The following MTMR3 variants were observed in gnomAD, a reference collection of about 807,000 sequenced individuals.
MTMR3 encodes phosphatidylinositol-3,5-bisphosphate 3-phosphatase MTMR3.
A neutral mutation model predicts 132.4 loss-of-function variants in MTMR3; 32 were observed. That is an observed-to-expected ratio of 0.24 (90% CI 0.18 to 0.32). The LOEUF is 0.32. MTMR3 is among the 10% of genes least tolerant of loss of function. The pLI is 1.00. For synonymous variants in MTMR3, 556 were observed against 550.3 expected (o/e 1.01, Z -0.14); for missense variants, 1,216 against 1,489.6 (o/e 0.82, Z 3.02).
intron 1 of MTMR3, among the ~76,000 whole-genome samples, chr22:29,955,748 C>A (rs1012970704): frequency 2.0e-5 from 3 of 151,696 alleles, no homozygotes; most frequent in Non-Finnish European, 4.4e-5. Context: ...ATTTTACTGA[C>A]TTTTTTTTTC....
At chr22:29,971,476 T>TTTAGACAAATATATGTAATTTTA (rs2066534711) in intron 3 of MTMR3, among the ~76,000 whole-genome samples, 18 of 152,202 alleles carry the variant, frequency 1.2e-4, no homozygotes, top group Non-Finnish European at 2.9e-5. Context: ...TTTTTTAAAT[T>TTTAGACAAATATATGTAATTTTA]GACAAATTAC....
At chr22:29,939,042 G>A (rs1178920817) in intron 1 of MTMR3, among the ~76,000 whole-genome samples, 1 of 151,852 alleles carries the variant, frequency 6.6e-6, no homozygotes, top group Non-Finnish European at 1.5e-5. Flanking sequence ...GGCTGGTCTC[G>A]AACTCCTGAC....
At chr22:29,955,908 C>A (rs1414484890) in intron 1 of MTMR3, among the ~76,000 whole-genome samples, 1 of 152,150 alleles carries the variant, frequency 6.6e-6, no homozygotes, top group Non-Finnish European at 1.5e-5. Context: ...TGCCCCACCA[C>A]ACCCAGCTAA....
intron 8 of MTMR3, chr22:29,999,111 G>A: frequency 4.3e-6 from 1 of 233,314 alleles, no homozygotes. Flanking sequence ...GTTTTTTCTG[G>A]TACATGCATG....
intron 10 of MTMR3, 87 bp from the exon 11 acceptor site, chr22:30,007,814 G>A: frequency 6.8e-7 from 1 of 1,474,680 alleles, no homozygotes; most frequent in South Asian, 1.3e-5. Flanking sequence ...CCTTTTTTGT[G>A]CCATAAGATG....
At chr22:29,894,090 C>T (rs2064848574) in intron 1 of MTMR3, among the ~76,000 whole-genome samples, 3 of 152,276 alleles carry the variant, frequency 2.0e-5, no homozygotes, top group African/African-American at 7.2e-5. Context: ...GGTGACCCGC[C>T]CATCTTGACC....
chr22:30,022,266 GGC>G (rs1161098245), intron 18 of MTMR3, 127 bp downstream of exon 18: 1 of 723,246 alleles, frequency 1.4e-6, no homozygotes, highest in African/African-American at 1.8e-5. Context: ...CTGAGCCTCT[GGC>G]ACCTTAGCTC....
Position 29,968,201 on chromosome 22 carries a change from C to T in MTMR3, c.-84-2775C>T, listed in dbSNP as rs370646274. On this transcript the variant is annotated intron_variant, in intron 2 of 19. Coordinates refer to ENST00000401950, the MANE Select transcript of MTMR3 (RefSeq NM_021090.4). ...AGGTTGTACCACTTTACATTCCTGC[C>T]GGCAGTGTATGGGGGTTTCACCTTC... 1.1e-3 allele frequency among the ~76,000 whole-genome samples: 160 copies of T among 152,198 alleles called. 2 individuals are homozygous for T. The South Asian group carries it at 0.03, about 29-fold the overall frequency.
intron 1 of MTMR3, among the ~76,000 whole-genome samples, chr22:29,940,137 G>A (rs2065828650): frequency 1.3e-5 from 2 of 152,098 alleles, no homozygotes; most frequent in Admixed American, 1.3e-4. Flanking sequence ...GCGTGGTGGC[G>A]GGCGACTGTA....
In MTMR3 at chr22:30,022,653, G is replaced by A. The variant is rs769960632; in HGVS notation, c.3381G>A (p.Ala1127=). The change falls in exon 19 of 20, where the codon GCG becomes GCA. Residue 1127 remains alanine (A), a synonymous_variant. Transcript: ENST00000401950. ...ACCACCTGGCCGCCCACTGCTATGCGTGCGACAGTGCCTTCTGGCTTGCCA... is the reference window on the plus strand; with the variant it reads ...ACCACCTGGCCGCCCACTGCTATGCATGCGACAGTGCCTTCTGGCTTGCCA... ...LPDHLAAHCY[A]CDSAFWLASR... is the part of the protein sequence containing the mutation. The A allele has an allele frequency of 3.1e-6, 5 of 1,611,918 alleles. No homozygotes were observed. Among genetic ancestry groups the A allele is most frequent in the Middle Eastern group, 1.7e-4 (1 of 6,056 alleles).
intron 7 of MTMR3, chr22:29,998,209 A>G (rs903288535): frequency 6.6e-6 from 1 of 152,274 alleles, no homozygotes; most frequent in Non-Finnish European, 1.5e-5. Context: ...CTCAGAGATG[A>G]TTGTAAGGGT....
intron 1 of MTMR3, among the ~76,000 whole-genome samples, chr22:29,948,080 A>G (rs979502773): frequency 6.6e-6 from 1 of 152,244 alleles, no homozygotes; most frequent in African/African-American, 2.4e-5. Flanking sequence ...TAACTAGGCC[A>G]GTAGAAGAGG....
chr22:29,938,321 A>G (rs2065789916), intron 1 of MTMR3, among the ~76,000 whole-genome samples: 1 of 151,370 alleles, frequency 6.6e-6, no homozygotes, highest in African/African-American at 2.4e-5. Flanking sequence ...GTATACCCAC[A>G]CCCCCCTTTC....
chr22:29,957,404 A>C (rs549419530), intron 2 of MTMR3, among the ~76,000 whole-genome samples: 1 of 149,324 alleles, frequency 6.7e-6, no homozygotes, highest in South Asian at 2.1e-4. Context: ...TAGATTTATC[A>C]ATCTCCAGTT....
In MTMR3 at chr22:30,013,350, C is replaced by T. The variant is rs1163876377; in HGVS notation, c.1318-6C>T. ...CAAATGGTCTCTCCTGGATGCTTCC[C>T]TGCAGGGTTTCCAGGTCCTCGTGGA... On this transcript the variant is annotated splice_polypyrimidine_tract_variant and splice_region_variant and intron_variant, in intron 13 of 19. Coordinates refer to ENST00000401950, the MANE Select transcript of MTMR3 (RefSeq NM_021090.4). The T allele has an allele frequency of 6.2e-7, 1 of 1,613,556 alleles. No homozygotes were observed. Among genetic ancestry groups the T allele is most frequent in the African/African-American group, 1.3e-5 (1 of 75,016 alleles).
intron 9 of MTMR3, chr22:30,006,884 CTT>C: frequency 2.0e-6 from 1 of 498,152 alleles, no homozygotes; most frequent in Non-Finnish European, 3.6e-6. Context: ...TTTTGGGTAA[CTT>C]TACAGGGATC....
chr22:29,978,735 TTAG>T (rs1253717513), intron 4 of MTMR3, among the ~76,000 whole-genome samples, 198 bp from the exon 5 acceptor site: 1 of 152,210 alleles, frequency 6.6e-6, no homozygotes, highest in Non-Finnish European at 1.5e-5. Context: ...TATCATTCCT[TTAG>T]TAGTTCAGAA....
At chr22:29,950,815 T>G (rs1238153509) in intron 1 of MTMR3, among the ~76,000 whole-genome samples, 1 of 152,236 alleles carries the variant, frequency 6.6e-6, no homozygotes, top group Non-Finnish European at 1.5e-5. Flanking sequence ...CTTACAGAAC[T>G]TCCTTACCAT....
chr22:29,929,440 A>G (rs1336325947), intron 1 of MTMR3, among the ~76,000 whole-genome samples: 2 of 151,970 alleles, frequency 1.3e-5, no homozygotes, highest in African/African-American at 2.4e-5. Flanking sequence ...ATGTTTTCAT[A>G]TGTGTGTTGA....
Sources: gnomAD v4.1 joint callset for allele counts (sites outside exome capture counted in the v4.1 genomes callset) on GRCh38, gnomAD v4.1.1 for gene constraint, MANE v1.5 for transcripts, NCBI Gene and HGNC (gene_info 2026-07-23, HGNC 2026-07-21) for gene names.